Variants in OGFOD1 observed in about 807,000 individuals in gnomAD.
OGFOD1 encodes the protein 2-oxoglutarate and iron dependent oxygenase domain containing 1.
In OGFOD1, 54 loss-of-function variants were observed where a neutral mutation model predicts 67.7. The observed-to-expected ratio is 0.80, with a 90% CI of 0.64 to 1.00. OGFOD1 has a LOEUF of 1.00. Ranked by LOEUF, OGFOD1 falls within the 50% of genes least tolerant of loss-of-function variation. The pLI is 0.00. For synonymous variants in OGFOD1, 221 were observed against 227.0 expected, an observed-to-expected ratio of 0.97 and a Z score of 0.24; for missense variants, 606 against 646.7, an observed-to-expected ratio of 0.94 and a Z score of 0.68.
chr16:56,456,923 A>G (rs1427884566), intron 2 of OGFOD1, among the ~76,000 whole-genome samples: 2 of 152,216 alleles, frequency 1.3e-5, no homozygotes, highest in Non-Finnish European at 2.9e-5. Flanking sequence ...ATATCCAGAG[A>G]AGCCCACTTC....
intron 10 of OGFOD1, among the ~76,000 whole-genome samples, chr16:56,471,234 C>T (rs1373664012): frequency 2.6e-5 from 4 of 151,108 alleles, no homozygotes; most frequent in Admixed American, 1.3e-4. Flanking sequence ...TGGTGGTGAA[C>T]GCCTGTAATC....
At position 56,469,840 on chromosome 16, in the gene OGFOD1, A is replaced by G. The variant is rs537741215; in HGVS notation, c.901-163A>G. 9.5e-4 allele frequency among the ~76,000 whole-genome samples: 136 copies of G among 142,442 alleles called. 1 individual carries two copies. The South Asian group carries it at 0.031, about 33-fold the overall frequency. 93.4% of individuals were successfully genotyped at this position (142,442 alleles called of 152,430 possible). A position where few individuals can be genotyped will look rare whatever the true frequency, so the allele number is the denominator to read the frequency against. The stretch of plus-strand genomic sequence containing the variant: ...ACTCCAGCCTGGGCAACAAGAGTGA[A>G]ACTCCATCTCAAAAAAAAAAAAAAA... On this transcript the variant is annotated intron_variant, in intron 8 of 12. Coordinates refer to ENST00000566157, the MANE Select transcript of OGFOD1 (RefSeq NM_018233.4).
chr16:56,467,262 C>T lies in OGFOD1; in HGVS notation c.755C>T (p.Pro252Leu). The change falls in exon 7 of 13, where the codon CCC (proline) becomes CTC (leucine). Residue 252 changes from proline (P) to leucine (L), a missense_variant. Coordinates refer to ENST00000566157, the MANE Select transcript of OGFOD1 (RefSeq NM_018233.4). ...CGGCCTCCCAACTACTTTGAACCCC[C>T]CATACCTCGGAGCCCTCACATCCCA... ...LTRPPNYFEP[P>L]IPRSPHIPQD... 1 of 1,614,098 alleles carries T rather than the reference C, an allele frequency of 6.2e-7. No homozygotes were observed. The highest frequency in any genetic ancestry group is 8.5e-7 in the Non-Finnish European group (1 of 1,180,028).
chr16:56,469,183 C>A (rs1256750148), intron 8 of OGFOD1, among the ~76,000 whole-genome samples: 2 of 152,158 alleles, frequency 1.3e-5, no homozygotes, highest in African/African-American at 4.8e-5. Flanking sequence ...AAATGGAAAG[C>A]CTCTTGTGGA....
At chr16:56,466,110 C>T (rs1962887234) in intron 4 of OGFOD1, 42 bp from the exon 5 acceptor site, 2 of 1,412,958 alleles carry the variant, frequency 1.4e-6, no homozygotes, top group African/African-American at 1.4e-5. Flanking sequence ...GTCAGCTGGT[C>T]ACTATCTGCA....
Position 56,466,287 on chromosome 16 carries a change from C to T in OGFOD1, c.565+19C>T. On this transcript the variant is annotated intron_variant, in intron 5 of 12. Transcript: ENST00000566157. Reference sequence around the variant, plus strand: ...ATTGATGGTAAGATAAGTATAAGTGCATGCACTTCACCACCAGTGGCACTT... The same window carrying T: ...ATTGATGGTAAGATAAGTATAAGTGTATGCACTTCACCACCAGTGGCACTT... 6.7e-7 allele frequency: 1 copy of T among 1,489,136 alleles called. No individual in the cohort carries two copies. Among genetic ancestry groups the T allele is most frequent in the Non-Finnish European group, 9.4e-7 (1 of 1,066,978 alleles). The allele number at this position is 1,489,136 out of a possible 1,614,324, so 92.2% of individuals were successfully genotyped here. A position where few individuals can be genotyped will look rare whatever the true frequency, so the allele number is the denominator to read the frequency against.
At chr16:56,466,724 C>T in intron 5 of OGFOD1, 152 bp from the exon 6 acceptor site, 2 of 674,900 alleles carry the variant, frequency 3.0e-6, no homozygotes, top group Non-Finnish European at 2.6e-6. Context: ...GTCAAACTCG[C>T]AAGTATGAGT....
intron 8 of OGFOD1, 71 bp from the exon 9 acceptor site, chr16:56,469,932 C>A: frequency 8.1e-7 from 1 of 1,231,622 alleles, no homozygotes; most frequent in Non-Finnish European, 1.2e-6. Context: ...GGCAGAGCTG[C>A]TGTACCTGCC....
At chr16:56,471,628 C>G (rs1483043370) in intron 10 of OGFOD1, among the ~76,000 whole-genome samples, 1 of 152,114 alleles carries the variant, frequency 6.6e-6, no homozygotes, top group African/African-American at 2.4e-5. Flanking sequence ...TCTTGAGAAC[C>G]CTGTGCAGTT....
intron 3 of OGFOD1, among the ~76,000 whole-genome samples, chr16:56,459,660 TC>T (rs1345306209): frequency 1.3e-5 from 2 of 152,308 alleles, no homozygotes; most frequent in East Asian, 3.9e-4. Context: ...CAGCATTTTT[TC>T]CTTAGTGATA....
Position 56,470,658 on chromosome 16 carries a change from C to T in OGFOD1, c.1152C>T (p.Thr384=). The T allele has an allele frequency of 6.2e-7, 1 of 1,614,150 alleles. No homozygotes were observed. The highest frequency in any genetic ancestry group is 8.5e-7 in the Non-Finnish European group (1 of 1,180,026). The stretch of plus-strand genomic sequence containing the variant: ...TGAATGATAAAAAAGAGGCAGAAAC[C>T]ACTGATATCACTGAAGAAGGGACTA... ...DEMNDKKEAE[T]TDITEEGTSH... The change falls in exon 10 of 13, where the codon ACC becomes ACT. Residue 384 remains threonine, a synonymous_variant. Coordinates refer to ENST00000566157, the MANE Select transcript of OGFOD1 (RefSeq NM_018233.4).
intron 2 of OGFOD1, chr16:56,454,627 G>T (rs1962457183): frequency 9.2e-6 from 3 of 326,264 alleles, no homozygotes; most frequent in South Asian, 7.3e-5. Context: ...AAACCTCAGG[G>T]ACATCTGTGC....
chr16:56,456,521 G>C (rs1231649418), intron 2 of OGFOD1, among the ~76,000 whole-genome samples: 2 of 152,196 alleles, frequency 1.3e-5, no homozygotes, highest in African/African-American at 2.4e-5. Context: ...AGGCCAAAAA[G>C]GAGGTCATCC....
At position 56,466,158 on chromosome 16, in the gene OGFOD1, T is replaced by C; in HGVS notation, c.455T>C (p.Leu152Pro). ...GTCCATTAAACTATTGCAGATGCCC[T>C]GCTGTGCCATGATGATGAGCTGGAA... ...SCAKYEFTDA[L>P]LCHDDELEGR... The change falls in exon 5 of 13, where the codon CTG (leucine) becomes CCG (proline). Residue 152 changes from leucine (L) to proline (P), a missense_variant. Physicochemically the swap from Leu to Pro is moderately conservative, Grantham distance 98. Coordinates refer to ENST00000566157, the MANE Select transcript of OGFOD1 (RefSeq NM_018233.4). The C allele has an allele frequency of 6.2e-7, 1 of 1,613,754 alleles. No homozygotes were observed. Among genetic ancestry groups the C allele is most frequent in the Non-Finnish European group, 8.5e-7 (1 of 1,179,664 alleles).
At chr16:56,465,843 C>T (rs1234519537) in intron 4 of OGFOD1, 4 of 243,502 alleles carry the variant, frequency 1.6e-5, no homozygotes, top group South Asian at 5.3e-5. Flanking sequence ...TAGACACTGT[C>T]GGATGCTATT....
At chr16:56,470,132 A>AT in intron 9 of OGFOD1, 50 bp downstream of exon 9, 1 of 1,504,142 alleles carries the variant, frequency 6.6e-7, no homozygotes, top group Non-Finnish European at 9.2e-7. Flanking sequence ...CACCTATAAC[A>AT]TTTTTTTATA....
At chr16:56,460,971 C>T (rs893592930) in intron 3 of OGFOD1, among the ~76,000 whole-genome samples, 2 of 152,288 alleles carry the variant, frequency 1.3e-5, no homozygotes, top group African/African-American at 4.8e-5. Flanking sequence ...TAAATGGAAA[C>T]GTTCACCATC....
chr16:56,476,253 G>C lies in OGFOD1; in HGVS notation c.*48G>C, dbSNP rs371200519. The C allele has an allele frequency of 2.8e-5, 44 of 1,568,692 alleles. No homozygotes were observed. In the African/African-American group the frequency reaches 5.5e-4, roughly 20 times the overall value. ...AAAATGTGACCCTTCGTAATTACTG[G>C]GAAGTCTGAAAGAGCTAAGCATGGA... On this transcript the variant is annotated 3_prime_UTR_variant, in exon 13 of 13. Transcript: ENST00000566157.
chr16:56,457,113 A>G (rs2143975480), intron 2 of OGFOD1, among the ~76,000 whole-genome samples: 1 of 152,368 alleles, frequency 6.6e-6, no homozygotes, highest in Non-Finnish European at 1.5e-5. Context: ...ATGTAAAAAT[A>G]TGTTCACATA....
Sources: allele counts gnomAD v4.1 joint callset (sites outside exome capture counted in the v4.1 genomes callset), GRCh38; gene constraint gnomAD v4.1.1; transcripts MANE v1.5; gene names NCBI Gene and HGNC (gene_info 2026-07-23, HGNC 2026-07-21).